Variants in TENT4B observed in about 807,000 individuals in gnomAD.
TENT4B encodes PAP associated domain containing 5.
A neutral mutation model predicts 75.0 loss-of-function variants in TENT4B; 10 were observed. The ratio of observed to expected loss-of-function variants is 0.13; its 90% CI spans 0.08 to 0.23. TENT4B has a LOEUF of 0.23. Ranked by LOEUF, TENT4B falls within the 10% of genes least tolerant of loss-of-function variation. TENT4B has a pLI of 1.00. For missense variants in TENT4B, 579 were observed against 893.8 expected (o/e 0.65, Z 4.49); for synonymous variants, 350 against 357.7 (o/e 0.98, Z 0.24).
intron 1 of TENT4B, among the ~76,000 whole-genome samples, chr16:50,177,816 CTG>C (rs2038338533): frequency 6.6e-6 from 1 of 151,952 alleles, no homozygotes; most frequent in Admixed American, 6.6e-5. Context: ...TAAGTGAAAA[CTG>C]AGATTATTGA....
chr16:50,168,386 T>C (rs2038142970), intron 1 of TENT4B, among the ~76,000 whole-genome samples: 1 of 151,972 alleles, frequency 6.6e-6, no homozygotes. Context: ...CTGCAGCCTC[T>C]GCCTCCTGGT....
chr16:50,228,837 C>G (rs1458115164), intron 11 of TENT4B, among the ~76,000 whole-genome samples: 1 of 152,198 alleles, frequency 6.6e-6, no homozygotes, highest in Admixed American at 6.5e-5. Context: ...AGAGCCTCTT[C>G]CCGCTCTGTC....
At chr16:50,181,507 G>A (rs1283787046) in intron 1 of TENT4B, among the ~76,000 whole-genome samples, 1 of 130,232 alleles carries the variant, frequency 7.7e-6, no homozygotes, top group Admixed American at 8.6e-5. Flanking sequence ...GTTTCACCAT[G>A]TTGTCCAGGC....
At chr16:50,175,712 C>T (rs966138723) in intron 1 of TENT4B, among the ~76,000 whole-genome samples, 8 of 151,966 alleles carry the variant, frequency 5.3e-5, no homozygotes, top group Admixed American at 3.9e-4. Context: ...CCTCGTGATC[C>T]GCCCGCCTCA....
intron 1 of TENT4B, among the ~76,000 whole-genome samples, chr16:50,166,725 C>T (rs2038107219): frequency 6.6e-6 from 1 of 151,718 alleles, no homozygotes. Context: ...GATCCTCCCA[C>T]CTCAGTCAGC....
chr16:50,200,029 A>G (rs188829167), intron 1 of TENT4B, among the ~76,000 whole-genome samples: 20 of 152,268 alleles, frequency 1.3e-4, no homozygotes, highest in East Asian at 1.2e-3. Flanking sequence ...AATACCAAGG[A>G]GTGCAGTTGC....
At chr16:50,171,695 T>C (rs1326716196) in intron 1 of TENT4B, among the ~76,000 whole-genome samples, 1 of 152,174 alleles carries the variant, frequency 6.6e-6, no homozygotes, top group Non-Finnish European at 1.5e-5. Context: ...CCAGGCACAG[T>C]GACTTATGCC....
intron 1 of TENT4B, among the ~76,000 whole-genome samples, chr16:50,168,706 C>T (rs890343334): frequency 1.3e-5 from 2 of 151,916 alleles, no homozygotes; most frequent in African/African-American, 2.4e-5. Flanking sequence ...AATGCTGTGG[C>T]GTGACCTGTG....
Position 50,233,369 on chromosome 16 carries a change from A to T in TENT4B, c.*4041A>T. 1.0e-6 allele frequency: 1 copy of T among 985,374 alleles called. No homozygotes were observed. The highest frequency in any genetic ancestry group is 1.2e-6 in the Non-Finnish European group (1 of 829,856). The allele number at this position is 985,374 out of a possible 1,614,324, so 61.0% of individuals were successfully genotyped here. A position where few individuals can be genotyped will look rare whatever the true frequency, so the allele number is the denominator to read the frequency against. ...ATCAAATTTTAATATGCTTCTCGAT[A>T]TTTAACATAGCTAAGAAGCCAGATT... On this transcript the variant is annotated 3_prime_UTR_variant, in exon 12 of 12. Coordinates refer to ENST00000561678, the MANE Select transcript of TENT4B (RefSeq NM_001365324.3).
At position 50,229,827 on chromosome 16, in the gene TENT4B, GTA is replaced by G; in HGVS notation, c.*506_*507del. The G allele has an allele frequency of 1.1e-6, 1 of 924,816 alleles. No homozygotes were observed. Among genetic ancestry groups the G allele is most frequent in the South Asian group, 5.0e-5 (1 of 20,040 alleles). The allele number at this position is 924,816 out of a possible 1,614,324, so 57.3% of individuals were successfully genotyped here. On this transcript the variant is annotated 3_prime_UTR_variant, in exon 12 of 12. Transcript: ENST00000561678. ...GCATATATTTACCATTTTATTGTGTGTATATATAGAAGACCATATAGGAGATT... is the reference window on the plus strand; with the variant it reads ...GCATATATTTACCATTTTATTGTGTGTATATAGAAGACCATATAGGAGATT...
intron 1 of TENT4B, among the ~76,000 whole-genome samples, chr16:50,184,759 C>G (rs2038492889): frequency 6.6e-6 from 1 of 151,970 alleles, no homozygotes; most frequent in Admixed American, 6.6e-5. Flanking sequence ...GCGGAGGGCA[C>G]AGTCTCACTC....
At chr16:50,177,527 A>G (rs542210986) in intron 1 of TENT4B, among the ~76,000 whole-genome samples, 45 of 152,250 alleles carry the variant, frequency 3.0e-4, no homozygotes, top group African/African-American at 1.0e-3. Flanking sequence ...AGAGTCCTTC[A>G]TAATATTTCT....
In TENT4B at chr16:50,153,880, G is replaced by A. The variant is rs1427805468; in HGVS notation, c.259G>A (p.Gly87Arg). 6.6e-7 allele frequency: 1 copy of A among 1,511,858 alleles called. No homozygotes were observed. The highest frequency in any genetic ancestry group is 1.2e-5 in the South Asian group (1 of 81,168). The allele number at this position is 1,511,858 out of a possible 1,614,324, so 93.7% of individuals were successfully genotyped here. Residue 87 changes from glycine (G) to arginine (R), a missense_variant, in exon 1 of 12, where the codon GGG becomes AGG. Transcript: ENST00000561678. ...GGCCCCGGCCGGCATGTATCGCTCCGGGGAGCGCCTGCTGGGCAGCCACGC... is the reference window on the plus strand; with the variant it reads ...GGCCCCGGCCGGCATGTATCGCTCCAGGGAGCGCCTGCTGGGCAGCCACGC... ...APAPAGMYRSGERLLGSHALP... is the reference protein window; with the variant it reads ...APAPAGMYRSRERLLGSHALP...
At chr16:50,221,421 A>G (rs1317006524) in intron 5 of TENT4B, among the ~76,000 whole-genome samples, 1 of 152,144 alleles carries the variant, frequency 6.6e-6, no homozygotes, top group African/African-American at 2.4e-5. Context: ...TTCTGTACAT[A>G]CTTGCCCACT....
At chr16:50,178,189 G>A (rs1159613200) in intron 1 of TENT4B, among the ~76,000 whole-genome samples, 1 of 148,722 alleles carries the variant, frequency 6.7e-6, no homozygotes, top group African/African-American at 2.5e-5. Flanking sequence ...AGGTGCAGTG[G>A]CTTATGCCTG....
intron 1 of TENT4B, among the ~76,000 whole-genome samples, chr16:50,156,717 TG>T (rs2037908505): frequency 6.6e-6 from 1 of 152,022 alleles, no homozygotes; most frequent in Non-Finnish European, 1.5e-5. Context: ...TGGAGTGACG[TG>T]ATCATAGCTC....
At chr16:50,224,278 A>G (rs902696128) in intron 7 of TENT4B, among the ~76,000 whole-genome samples, 1 of 152,212 alleles carries the variant, frequency 6.6e-6, no homozygotes, top group Non-Finnish European at 1.5e-5. Flanking sequence ...TTAGGGGCTC[A>G]TAATTTAGAG....
At position 50,232,032 on chromosome 16, in the gene TENT4B, G is replaced by A. The variant is rs1046456808; in HGVS notation, c.*2704G>A. The A allele has an allele frequency of 3.0e-6, 3 of 985,050 alleles. No homozygotes were observed. The highest frequency in any genetic ancestry group is 3.6e-6 in the Non-Finnish European group (3 of 829,820). 61.0% of individuals were successfully genotyped at this position (985,050 alleles called of 1,614,324 possible). ...ATTTTACAAATTCTCCCTCACTCTG[G>A]TGACATTTCTCAGGCAGTCATGTAT... On this transcript the variant is annotated 3_prime_UTR_variant, in exon 12 of 12. Transcript: ENST00000561678.
At chr16:50,217,436 C>G in intron 4 of TENT4B, 120 bp from the exon 5 acceptor site, 2 of 579,722 alleles carry the variant, frequency 3.4e-6, no homozygotes, top group Middle Eastern at 4.6e-4. Flanking sequence ...ATTTAGAATA[C>G]TCAGTGTTCT....
Sources: allele counts gnomAD v4.1 joint callset (sites outside exome capture counted in the v4.1 genomes callset), GRCh38; gene constraint gnomAD v4.1.1; transcripts MANE v1.5; gene names NCBI Gene and HGNC (gene_info 2026-07-23, HGNC 2026-07-21).